The following ATAD1 variants were observed in gnomAD, a reference collection of about 807,000 sequenced individuals.
ATAD1 encodes outer mitochondrial transmembrane helix translocase.
ATAD1 carries 18 observed loss-of-function variants against 42.7 expected under a neutral mutation model. The ratio of observed to expected loss-of-function variants is 0.42; its 90% confidence interval spans 0.29 to 0.63. The LOEUF is 0.63. Among genes scored for constraint, ATAD1 ranks in the 20% least tolerant of loss-of-function variants. The pLI is 0.19. For missense variants in ATAD1, 294 were observed against 440.4 expected (o/e 0.67, Z 2.98); for synonymous variants, 132 against 143.1 (o/e 0.92, Z 0.55).
rs536447513 is a variant in ATAD1 at position 87,751,727 on chromosome 10, T to C, written c.*2960A>G. The stretch of plus-strand genomic sequence containing the variant: ...TTTCTGTCAGCTCTAGATGGAATTA[T>C]TCTATGACTTCATTTGAAGCACCCA... On this transcript the variant is annotated 3_prime_UTR_variant, in exon 10 of 10. Transcript: ENST00000680024. The C allele has an allele frequency of 1.3e-5, 2 of 152,362 alleles. No individual in the cohort carries two copies. Among genetic ancestry groups the C allele is most frequent in the African/African-American group, 2.4e-5 (1 of 41,592 alleles). The allele number at this position is 152,362 out of a possible 1,614,324, so 9.4% of individuals were successfully genotyped here.
chr10:87,820,212 GAC>G (rs1295539654), upstream of ATAD1, among the ~76,000 whole-genome samples: 1 of 152,184 alleles, frequency 6.6e-6, no homozygotes, highest in Admixed American at 6.5e-5. Flanking sequence ...GAGGCTCATG[GAC>G]ACATGGTTTG....
chr10:87,794,290 C>A (rs1856273877), intron 2 of ATAD1, among the ~76,000 whole-genome samples: 2 of 152,136 alleles, frequency 1.3e-5, no homozygotes, highest in South Asian at 4.1e-4. Context: ...TTATCTTGCC[C>A]CTGTAAAGTC....
chr10:87,810,435 T>G (rs74146213), intron 2 of ATAD1, among the ~76,000 whole-genome samples: 3,133 of 152,216 alleles, frequency 0.021, 100 homozygotes, highest in African/African-American at 0.069. Context: ...TGAACAATTA[T>G]TAGGTGTTAA....
At chr10:87,770,526 C>G (rs1325361297) in intron 7 of ATAD1, among the ~76,000 whole-genome samples, 1 of 152,204 alleles carries the variant, frequency 6.6e-6, no homozygotes, top group Non-Finnish European at 1.5e-5. Context: ...GAAGCACTGA[C>G]TACATCTGCC....
In ATAD1 at chr10:87,752,206, T is replaced by C. The variant is rs1854044970; in HGVS notation, c.*2481A>G. 1 of 151,616 alleles carries C rather than the reference T, an allele frequency of 6.6e-6. No homozygotes were observed. The allele number at this position is 151,616 out of a possible 1,614,324, so 9.4% of individuals were successfully genotyped here. A position where few individuals can be genotyped will look rare whatever the true frequency, so the allele number is the denominator to read the frequency against. ...AAACTCTACAAAAAAGGCCTGAGAATAGCTTGAGACACATCAGACTTATCA... is the reference window on the plus strand; with the variant it reads ...AAACTCTACAAAAAAGGCCTGAGAACAGCTTGAGACACATCAGACTTATCA... On this transcript the variant is annotated 3_prime_UTR_variant, in exon 10 of 10. Transcript: ENST00000680024.
At chr10:87,764,186 G>A (rs1923261) in intron 8 of ATAD1, among the ~76,000 whole-genome samples, 44,660 of 151,840 alleles carry the variant, frequency 0.29, 6,787 homozygotes, top group Middle Eastern at 0.32. Context: ...TGGGCCGAGC[G>A]CAGTGGCTCA....
In ATAD1 at chr10:87,754,436, T is replaced by C. The variant is rs151207426; in HGVS notation, c.*251A>G. Reference sequence around the variant, plus strand: ...GCTTAGATTCTATAAGGCTGTACAATATATGGCTGAAAAGGTCAAACACAA... The same window carrying C: ...GCTTAGATTCTATAAGGCTGTACAACATATGGCTGAAAAGGTCAAACACAA... On this transcript the variant is annotated 3_prime_UTR_variant, in exon 10 of 10. Transcript: ENST00000680024. 1.0e-5 allele frequency: 3 copies of C among 295,606 alleles called. No homozygotes were observed. The highest frequency in any genetic ancestry group is 1.3e-5 in the Non-Finnish European group (2 of 155,216). 18.3% of individuals were successfully genotyped at this position (295,606 alleles called of 1,614,324 possible). A position where few individuals can be genotyped will look rare whatever the true frequency, so the allele number is the denominator to read the frequency against.
In ATAD1 at chr10:87,754,124, G is replaced by A. The variant is rs1234844492; in HGVS notation, c.*563C>T. ...CAACTTAAAAAAGGTTGAAACAAAT[G>A]ACAAATGGAAATGGCTGAATCACTG... On this transcript the variant is annotated 3_prime_UTR_variant, in exon 10 of 10. Transcript: ENST00000680024. 1 of 152,550 alleles carries A rather than the reference G, an allele frequency of 6.6e-6. No homozygotes were observed. Among genetic ancestry groups the A allele is most frequent in the East Asian group, 1.9e-4 (1 of 5,200 alleles). 9.4% of individuals were successfully genotyped at this position (152,550 alleles called of 1,614,324 possible).
At chr10:87,816,583 A>G (rs1212140828) in intron 1 of ATAD1, among the ~76,000 whole-genome samples, 1 of 152,202 alleles carries the variant, frequency 6.6e-6, no homozygotes, top group African/African-American at 2.4e-5. Context: ...AAAGAAAGCA[A>G]AAGAAGCCAA....
chr10:87,822,987 A>G (rs1311934925), upstream of ATAD1, among the ~76,000 whole-genome samples: 1 of 151,962 alleles, frequency 6.6e-6, no homozygotes, highest in Non-Finnish European at 1.5e-5. Flanking sequence ...AATAAGAAAG[A>G]ATAAGATAGA....
intron 8 of ATAD1, among the ~76,000 whole-genome samples, chr10:87,766,940 T>C (rs1376320537): frequency 1.3e-5 from 2 of 152,114 alleles, no homozygotes; most frequent in Non-Finnish European, 2.9e-5. Context: ...ACAAAAGCTA[T>C]TGAAAATTTT....
intron 1 of ATAD1, among the ~76,000 whole-genome samples, chr10:87,828,855 T>C (rs1160265354): frequency 6.6e-6 from 1 of 152,250 alleles, no homozygotes; most frequent in Non-Finnish European, 1.5e-5. Context: ...CTACTCTGCC[T>C]GTGCTTTATA....
chr10:87,813,618 A>G (rs892576101), intron 2 of ATAD1, among the ~76,000 whole-genome samples: 1 of 152,104 alleles, frequency 6.6e-6, no homozygotes, highest in Non-Finnish European at 1.5e-5. Flanking sequence ...GCATTTTGAA[A>G]GAACAAGATT....
intron 2 of ATAD1, among the ~76,000 whole-genome samples, chr10:87,808,313 CAAAGT>C (rs1857016823): frequency 1.1e-5 from 1 of 91,754 alleles, no homozygotes; most frequent in Non-Finnish European, 2.3e-5. Context: ...AAGAAGTAAA[CAAAGT>C]AAACAAAGAA....
At chr10:87,831,501 A>G (rs1252692661) in intron 1 of ATAD1, among the ~76,000 whole-genome samples, 1 of 151,926 alleles carries the variant, frequency 6.6e-6, no homozygotes, top group African/African-American at 2.4e-5. Flanking sequence ...TCTCATCACA[A>G]TTTAGGATCA....
At chr10:87,789,998 A>G (rs1856019360) in intron 4 of ATAD1, among the ~76,000 whole-genome samples, 1 of 152,204 alleles carries the variant, frequency 6.6e-6, no homozygotes, top group Non-Finnish European at 1.5e-5. Context: ...AAAACAAAAC[A>G]AAACAAAAAA....
intron 3 of ATAD1, among the ~76,000 whole-genome samples, 193 bp from the exon 4 acceptor site, chr10:87,790,623 A>G (rs767231901): frequency 1.3e-5 from 2 of 152,248 alleles, no homozygotes; most frequent in Non-Finnish European, 2.9e-5. Context: ...AAGGAATTTA[A>G]TAGTCAACTA....
chr10:87,797,464 A>G (rs887366049), intron 2 of ATAD1, among the ~76,000 whole-genome samples: 2 of 150,024 alleles, frequency 1.3e-5, no homozygotes, highest in African/African-American at 5.0e-5. Context: ...CAAAAAATCT[A>G]GAGAAGGTTT....
intron 7 of ATAD1, among the ~76,000 whole-genome samples, chr10:87,768,803 G>A (rs930321477): frequency 1.3e-5 from 2 of 152,164 alleles, no homozygotes; most frequent in African/African-American, 2.4e-5. Context: ...ACCATAGCTG[G>A]CCAGCCACAG....
Sources: gnomAD v4.1 joint callset for allele counts (sites outside exome capture counted in the v4.1 genomes callset) on GRCh38, gnomAD v4.1.1 for gene constraint, MANE v1.5 for transcripts, NCBI Gene and HGNC (gene_info 2026-07-23, HGNC 2026-07-21) for gene names.